The following ADARB1 variants were observed in gnomAD, a reference collection of about 807,000 sequenced individuals.
The protein encoded by ADARB1 is adenosine deaminase RNA specific B1, also known as double-stranded RNA-specific editase 1.
Under a neutral mutation model 52.4 loss-of-function variants are expected in ADARB1, and 10 were observed. The ratio of observed to expected loss-of-function variants is 0.19; its 90% CI spans 0.12 to 0.32. The LOEUF (loss-of-function observed/expected upper bound fraction) is 0.32. Among genes scored for constraint, ADARB1 ranks in the 10% least tolerant of loss-of-function variants. The pLI, the probability that ADARB1 is intolerant of heterozygous loss-of-function variation, is 1.00. For missense variants in ADARB1, 643 were observed against 922.3 expected, an observed-to-expected ratio of 0.70 and a Z score of 3.92; for synonymous variants, 349 against 371.1, an observed-to-expected ratio of 0.94 and a Z score of 0.68.
intron 1 of ADARB1, among the ~76,000 whole-genome samples, chr21:45,114,504 C>T (rs1397623225): frequency 6.6e-6 from 1 of 152,186 alleles, no homozygotes; most frequent in East Asian, 1.9e-4. Context: ...TTTGCAGAGT[C>T]TCGAGGCTTA....
At chr21:45,084,432 AAGCGGGCTT>A (rs2086262701) in intron 1 of ADARB1, among the ~76,000 whole-genome samples, 1 of 152,324 alleles carries the variant, frequency 6.6e-6, no homozygotes, top group African/African-American at 2.4e-5. Flanking sequence ...CTTAGGGGTT[AAGCGGGCTT>A]AGGAGGCAGG....
chr21:45,207,742 C>T (rs1260754742), intron 9 of ADARB1, among the ~76,000 whole-genome samples: 4 of 152,206 alleles, frequency 2.6e-5, no homozygotes, highest in Middle Eastern at 3.4e-3. Context: ...AGGTCATTCC[C>T]GTGTTAAAAA....
chr21:45,106,023 T>TCTTC (rs948980987), intron 1 of ADARB1, among the ~76,000 whole-genome samples: 61 of 152,230 alleles, frequency 4.0e-4, no homozygotes, highest in African/African-American at 1.4e-3. Context: ...AGAAATTCTT[T>TCTTC]TGTAAGAACA....
chr21:45,198,492 TTAA>T (rs1225012353), intron 8 of ADARB1, among the ~76,000 whole-genome samples: 1 of 143,202 alleles, frequency 7.0e-6, no homozygotes, highest in Non-Finnish European at 1.5e-5. Context: ...GCCTATTAAA[TTAA>T]ATCACACACA....
chr21:45,079,007 C>T (rs927314906), intron 1 of ADARB1, among the ~76,000 whole-genome samples: 2 of 152,166 alleles, frequency 1.3e-5, no homozygotes, highest in Non-Finnish European at 2.9e-5. Context: ...ACCCTTACCT[C>T]CTTACTGCAG....
intron 2 of ADARB1, among the ~76,000 whole-genome samples, chr21:45,146,929 T>A (rs2090039155): frequency 6.6e-6 from 1 of 152,166 alleles, no homozygotes; most frequent in South Asian, 2.1e-4. Context: ...TGGCTCCACT[T>A]CTCAAATTGT....
At chr21:45,103,665 T>C (rs187017322) in intron 1 of ADARB1, among the ~76,000 whole-genome samples, 17 of 152,180 alleles carry the variant, frequency 1.1e-4, no homozygotes, top group Admixed American at 4.6e-4. Flanking sequence ...TCATGGACTG[T>C]TACTTGTCCA....
chr21:45,126,467 G>A (rs1482771927), intron 1 of ADARB1, among the ~76,000 whole-genome samples: 5 of 151,926 alleles, frequency 3.3e-5, no homozygotes, highest in Non-Finnish European at 7.4e-5. Flanking sequence ...CTTTTATTGC[G>A]CCCCTACTGT....
rs956585111 is a variant in ADARB1 at position 45,142,466 on chromosome 21, A to G, written c.-48+13893A>G. On this transcript the variant is annotated intron_variant, in intron 2 of 10. Transcript: ENST00000348831. The surrounding 1 kb of genome is among the most constrained non-coding windows in gnomAD (Gnocchi z 4.0). The stretch of plus-strand genomic sequence containing the variant: ...AACAGAAATGTGTTTATGTAAAGAA[A>G]TATGTTACTTGACTTAATATTGTAA... Among the ~76,000 whole-genome samples, 32 of 152,258 alleles carry G rather than the reference A, an allele frequency of 2.1e-4. No homozygotes were observed. Among genetic ancestry groups the G allele is most frequent in the African/African-American group, 7.7e-4 (32 of 41,468 alleles).
In ADARB1 at chr21:45,224,643, C is replaced by T. The variant is rs1330436940; in HGVS notation, c.*2446C>T. 4 of 877,216 alleles carry T rather than the reference C, an allele frequency of 4.6e-6. No individual in the cohort carries two copies. Among genetic ancestry groups the T allele is most frequent in the Non-Finnish European group, 5.2e-6 (4 of 772,008 alleles). The allele number at this position is 877,216 out of a possible 1,614,324, so 54.3% of individuals were successfully genotyped here. On this transcript the variant is annotated 3_prime_UTR_variant, in exon 11 of 11. Coordinates refer to ENST00000348831, the MANE Select transcript of ADARB1 (RefSeq NM_001112.4). ...GTTCAGGGAGCCCTGGGCGGGGTGG[C>T]TGTCAGGGGGAACTGGGTTCCGGGA...
At chr21:45,191,849 CATATATATATATATATATAT>C (rs1182713084) in intron 8 of ADARB1, among the ~76,000 whole-genome samples, 1 of 87,512 alleles carries the variant, frequency 1.1e-5, no homozygotes, top group African/African-American at 5.3e-5. Context: ...ACATCCAGTC[CATATATATATATATATATAT>C]ATATATATAT....
At chr21:45,133,577 C>G (rs1380497009) in intron 2 of ADARB1, 9 of 177,590 alleles carry the variant, frequency 5.1e-5, no homozygotes, top group African/African-American at 2.2e-4. Context: ...GCCTGCAAGG[C>G]AGGGGAGTGT....
intron 3 of ADARB1, among the ~76,000 whole-genome samples, chr21:45,174,727 A>G (rs1306290583): frequency 4.6e-5 from 7 of 151,956 alleles, no homozygotes; most frequent in Non-Finnish European, 1.0e-4. Flanking sequence ...ACATACATAC[A>G]TGTATAAATC....
chr21:45,190,631 A>G (rs1249420844), intron 8 of ADARB1, among the ~76,000 whole-genome samples: 1 of 152,226 alleles, frequency 6.6e-6, no homozygotes, highest in East Asian at 1.9e-4. Flanking sequence ...GCTGGCTAAA[A>G]AATCTAGGAC....
At chr21:45,099,582 A>G (rs1005497194) in intron 1 of ADARB1, among the ~76,000 whole-genome samples, 4 of 152,148 alleles carry the variant, frequency 2.6e-5, no homozygotes, top group Admixed American at 1.3e-4. Context: ...CATGAGAATC[A>G]CTTGAACCTT....
chr21:45,117,623 A>G (rs767113580), intron 1 of ADARB1, among the ~76,000 whole-genome samples: 10 of 152,176 alleles, frequency 6.6e-5, no homozygotes, highest in East Asian at 1.9e-4. Flanking sequence ...AACTAACGCA[A>G]TGCTCATGCT....
chr21:45,224,311 T>C lies in ADARB1; in HGVS notation c.*2114T>C. The C allele has an allele frequency of 1.0e-6, 1 of 985,530 alleles. No homozygotes were observed. Among genetic ancestry groups the C allele is most frequent in the Non-Finnish European group, 1.2e-6 (1 of 830,020 alleles). 61.0% of individuals were successfully genotyped at this position (985,530 alleles called of 1,614,324 possible). On this transcript the variant is annotated 3_prime_UTR_variant, in exon 11 of 11. Coordinates refer to ENST00000348831, the MANE Select transcript of ADARB1 (RefSeq NM_001112.4). ...AGCTAAAGTCAGCATGATTGCTCCCTGTACCACCCCAAATAAGTGAGTGCC... is the reference window on the plus strand; with the variant it reads ...AGCTAAAGTCAGCATGATTGCTCCCCGTACCACCCCAAATAAGTGAGTGCC...
chr21:45,152,707 AG>A (rs1455456054), intron 2 of ADARB1: 2 of 436,172 alleles, frequency 4.6e-6, no homozygotes, highest in Non-Finnish European at 9.3e-6. Context: ...CTGAGAGGAA[AG>A]GTAATTCATT....
Position 45,080,459 on chromosome 21 carries a change from A to G in ADARB1, c.-220+5666A>G, listed in dbSNP as rs140075282. 3.5e-3 allele frequency among the ~76,000 whole-genome samples: 527 copies of G among 152,316 alleles called. 1 individual carries two copies. Among genetic ancestry groups the G allele is most frequent in the South Asian group, 8.9e-3 (43 of 4,826 alleles). On this transcript the variant is annotated intron_variant, in intron 1 of 10. Coordinates refer to ENST00000348831, the MANE Select transcript of ADARB1 (RefSeq NM_001112.4). ...TTCAGGAGGGAGGCAGGACTTCTGCACGTGGGAGCCTGGACTCAGAAATAT... is the reference window on the plus strand; with the variant it reads ...TTCAGGAGGGAGGCAGGACTTCTGCGCGTGGGAGCCTGGACTCAGAAATAT...
Sources: gnomAD v4.1 joint callset for allele counts (sites outside exome capture counted in the v4.1 genomes callset) on GRCh38, gnomAD v4.1.1 for gene constraint, Gnocchi (gnomAD v3.1) non-coding constraint, MANE v1.5 for transcripts, NCBI Gene and HGNC (gene_info 2026-07-23, HGNC 2026-07-21) for gene names.